NEBL: variants seen among roughly 807,000 people sequenced by gnomAD.
NEBL encodes the protein LIM and SH3 protein 2.
Under a neutral mutation model 140.2 loss-of-function variants are expected in NEBL, and 122 were observed. That is an observed-to-expected ratio of 0.87 (90% CI 0.75 to 1.01). The LOEUF (loss-of-function observed/expected upper bound fraction) is 1.01, where lower values mean the gene tolerates loss of function less well. Ranked by LOEUF, NEBL falls within the 50% of genes least tolerant of loss-of-function variation. The pLI is 0.00. For synonymous variants in NEBL, 436 were observed against 398.9 expected (o/e 1.09, Z -1.11); for missense variants, 1,365 against 1,231.3 (o/e 1.11, Z -1.62).
chr10:21,113,211 GC>G (rs1489425567), intron 2 of NEBL: 1 of 310,642 alleles, frequency 3.2e-6, no homozygotes, highest in Non-Finnish European at 5.9e-6. Context: ...AGATGCTCCA[GC>G]CAAAAATGCA....
chr10:21,082,535 TAAAAAAAAAAAA>T (rs61234594), intron 2 of NEBL, among the ~76,000 whole-genome samples: 1,285 of 117,282 alleles, frequency 0.011, 30 homozygotes, highest in African/African-American at 0.033. Context: ...CCACCACCAC[TAAAAAAAAAAAA>T]AAAAAAAAAA....
rs1588585235 is a variant in NEBL at position 20,785,510 on chromosome 10, A to T, written c.*237T>A. Reference sequence around the variant, plus strand: ...GCCAATCAAAGGAAACCATGAACACAATTAGCAGCACCAGGTGTCCAGACA... The same window carrying T: ...GCCAATCAAAGGAAACCATGAACACTATTAGCAGCACCAGGTGTCCAGACA... On this transcript the variant is annotated 3_prime_UTR_variant, in exon 28 of 28. Coordinates refer to ENST00000377122, the MANE Select transcript of NEBL (RefSeq NM_006393.3). The T allele has an allele frequency of 1.8e-6, 1 of 556,984 alleles. No individual in the cohort carries two copies. 34.5% of individuals were successfully genotyped at this position (556,984 alleles called of 1,614,324 possible).
At chr10:21,197,275 G>T (rs962562517) in intron 3 of NEBL, among the ~76,000 whole-genome samples, 2 of 152,220 alleles carry the variant, frequency 1.3e-5, no homozygotes, top group African/African-American at 2.4e-5. Flanking sequence ...GCTGGCATTT[G>T]TATATTTAAA....
At chr10:21,125,973 A>G in intron 2 of NEBL, 1 of 1,614,130 alleles carries the variant, frequency 6.2e-7, no homozygotes, top group Non-Finnish European at 8.5e-7. Context: ...CTGGTTCAGG[A>G]GCTGCCTGGA....
At chr10:21,046,831 T>C (rs1020343754) in intron 2 of NEBL, among the ~76,000 whole-genome samples, 4 of 152,128 alleles carry the variant, frequency 2.6e-5, no homozygotes, top group African/African-American at 7.2e-5. Context: ...CTGGATCTCC[T>C]GACCTGGTGA....
intron 2 of NEBL, among the ~76,000 whole-genome samples, chr10:21,036,467 T>C (rs1834020624): frequency 6.6e-6 from 1 of 151,778 alleles, no homozygotes; most frequent in South Asian, 2.1e-4. Context: ...TTTAAAACTT[T>C]AAAAAATAAA....
chr10:20,847,381 GAGA>G (rs1327831784), intron 11 of NEBL, among the ~76,000 whole-genome samples: 2 of 152,208 alleles, frequency 1.3e-5, no homozygotes, highest in Non-Finnish European at 2.9e-5. Context: ...GCAAGAGTGA[GAGA>G]AGAAGTTGGG....
At chr10:20,814,208 C>T (rs1838460260) in intron 22 of NEBL, among the ~76,000 whole-genome samples, 165 bp from the exon 23 acceptor site, 1 of 152,082 alleles carries the variant, frequency 6.6e-6, no homozygotes, top group Non-Finnish European at 1.5e-5. Context: ...TAAAATTTTA[C>T]AATCAAAGAT....
intron 26 of NEBL, among the ~76,000 whole-genome samples, chr10:20,792,948 C>T (rs1487138950): frequency 6.6e-6 from 1 of 152,088 alleles, no homozygotes; most frequent in East Asian, 1.9e-4. Flanking sequence ...AGCCTCAAGT[C>T]CTATTCACAT....
chr10:21,037,257 A>T (rs1006727854), intron 2 of NEBL, among the ~76,000 whole-genome samples: 3 of 44,524 alleles, frequency 6.7e-5, no homozygotes, highest in African/African-American at 2.7e-4. Context: ...GATGAAAATG[A>T]GGGTGGGGGT....
At chr10:20,806,417 C>A (rs1251911219) in intron 26 of NEBL, among the ~76,000 whole-genome samples, 3 of 152,184 alleles carry the variant, frequency 2.0e-5, no homozygotes, top group Admixed American at 6.5e-5. Context: ...CTGCCCTATC[C>A]AATGCATGCG....
chr10:21,233,338 G>T (rs925262479), intron 3 of NEBL, among the ~76,000 whole-genome samples: 4 of 152,082 alleles, frequency 2.6e-5, no homozygotes, highest in Non-Finnish European at 4.4e-5. Context: ...ATGAGCCACT[G>T]CACCCAGCCT....
intron 2 of NEBL, among the ~76,000 whole-genome samples, chr10:21,126,456 T>G (rs1393711686): frequency 6.6e-6 from 1 of 152,074 alleles, no homozygotes; most frequent in Non-Finnish European, 1.5e-5. Context: ...TCACCCAGTG[T>G]GTGGACTCTA....
At chr10:21,071,849 C>T (rs1835831313) in intron 2 of NEBL, among the ~76,000 whole-genome samples, 1 of 152,054 alleles carries the variant, frequency 6.6e-6, no homozygotes, top group Non-Finnish European at 1.5e-5. Flanking sequence ...GATGGAGTCT[C>T]ACTTTGCTGC....
At chr10:20,885,367 T>C (rs746198176) in intron 4 of NEBL, among the ~76,000 whole-genome samples, 54 of 152,218 alleles carry the variant, frequency 3.5e-4, no homozygotes, top group Non-Finnish European at 6.3e-4. Context: ...AGCCGCCTTA[T>C]TCAAAGTCTA....
At chr10:21,185,750 A>G (rs1340951578) in intron 3 of NEBL, among the ~76,000 whole-genome samples, 6 of 152,186 alleles carry the variant, frequency 3.9e-5, no homozygotes, top group Non-Finnish European at 8.8e-5. Flanking sequence ...ACCTCGCCTC[A>G]GCCTCCCAAA....
At position 20,817,691 on chromosome 10, in the gene NEBL, A is replaced by C; in HGVS notation, c.2057T>G (p.Val686Gly). 1 of 1,608,226 alleles carries C rather than the reference A, an allele frequency of 6.2e-7. No individual in the cohort carries two copies. Among genetic ancestry groups the C allele is most frequent in the Non-Finnish European group, 8.5e-7 (1 of 1,174,758 alleles). The change falls in exon 21 of 28, where the codon GTA becomes GGA. Residue 686 changes from valine to glycine, a missense_variant and splice_region_variant. This residue lies in a region of NEBL where 1,323 missense variants were observed against 1,154.8 expected (regional missense o/e 1.15). Coordinates refer to ENST00000377122, the MANE Select transcript of NEBL (RefSeq NM_006393.3). ...CCGTTGAAGTTCTCCCTTATATTTT[A>C]CCTAAGAAGGATAAATAAGAACTTT... ...VRRNQEQLSAVKYKGELQRGT... is the reference protein window; with the variant it reads ...VRRNQEQLSAGKYKGELQRGT...
At chr10:20,808,187 A>G (rs1837785231) in intron 26 of NEBL, among the ~76,000 whole-genome samples, 1 of 152,098 alleles carries the variant, frequency 6.6e-6, no homozygotes, top group African/African-American at 2.4e-5. Context: ...TTCTCCTATG[A>G]CTGTGTAGTG....
At chr10:20,902,082 T>C (rs75810557), upstream of NEBL, among the ~76,000 whole-genome samples, 5,911 of 152,182 alleles carry the variant, frequency 0.039, 338 homozygotes, top group African/African-American at 0.13. Context: ...CCTAAACATG[T>C]GTCACCATGA....
Sources: gnomAD v4.1 joint callset for allele counts (sites outside exome capture counted in the v4.1 genomes callset) on GRCh38, gnomAD v4.1.1 for gene constraint, gnomAD v4.1.1 regional missense constraint, MANE v1.5 for transcripts, NCBI Gene and HGNC (gene_info 2026-07-23, HGNC 2026-07-21) for gene names.